Variants in CSMD3 observed in about 807,000 individuals in gnomAD.
CSMD3 encodes CUB and Sushi multiple domains 3, also known as CUB and sushi domain-containing protein 3.
CSMD3 carries 177 observed loss-of-function variants against 435.2 expected under a neutral mutation model. The ratio of observed to expected loss-of-function variants is 0.41; its 90% CI spans 0.36 to 0.46. The LOEUF (loss-of-function observed/expected upper bound fraction) is 0.46. Among genes scored for constraint, CSMD3 ranks in the 20% least tolerant of loss-of-function variants. CSMD3 has a pLI of 0.34. For missense variants in CSMD3, 4,265 were observed against 4,504.6 expected, an observed-to-expected ratio of 0.95 and a Z score of 1.52; for synonymous variants, 1,656 against 1,520.5, an observed-to-expected ratio of 1.09 and a Z score of -2.07.
In CSMD3 at chr8:112,346,139, T is replaced by G. The variant is rs200280408; in HGVS notation, c.6400A>C (p.Ser2134Arg). ...SPGFPGNYPS[S>R]LDCTWTINLP... The stretch of plus-strand genomic sequence containing the variant: ...TTTATTGTCCATGTGCAATCTAAAC[T>G]GCTGGGATAGTTTCCAGGAAACCCA... The change falls in exon 41 of 71, where the codon AGT (serine) becomes CGT (arginine). Residue 2134 changes from serine (S) to arginine (R), a missense_variant. Ser to Arg is a moderately radical substitution (Grantham distance 110). This residue lies in a region of CSMD3 where 3,255 missense variants were observed against 3,380.2 expected (regional missense o/e 0.96). Coordinates refer to ENST00000297405, the MANE Select transcript of CSMD3 (RefSeq NM_198123.2). The G allele has an allele frequency of 5.6e-6, 9 of 1,613,288 alleles. No individual in the cohort carries two copies. In the Admixed American group the frequency reaches 1.2e-4, roughly 21 times the overall value.
At chr8:113,275,329 G>A (rs2093561610) in intron 3 of CSMD3, among the ~76,000 whole-genome samples, 1 of 152,012 alleles carries the variant, frequency 6.6e-6, no homozygotes, top group Non-Finnish European at 1.5e-5. Flanking sequence ...AGTTTGGTCT[G>A]GTTTAGTCCT....
At chr8:112,660,814 A>G (rs1371879362) in intron 17 of CSMD3, among the ~76,000 whole-genome samples, 2 of 152,188 alleles carry the variant, frequency 1.3e-5, no homozygotes, top group Non-Finnish European at 2.9e-5. Context: ...GTAACTCCTG[A>G]TTATTCCAGT....
intron 3 of CSMD3, among the ~76,000 whole-genome samples, chr8:113,214,229 T>G (rs2092873951): frequency 6.6e-6 from 1 of 151,982 alleles, no homozygotes; most frequent in African/African-American, 2.4e-5. Flanking sequence ...TTTATGTTAT[T>G]TTGTTGTTTT....
intron 12 of CSMD3, among the ~76,000 whole-genome samples, chr8:112,821,297 A>G (rs1191198794): frequency 1.3e-5 from 2 of 151,618 alleles, no homozygotes; most frequent in East Asian, 3.9e-4. Context: ...TATTTCTCCA[A>G]GCTTCCCAGT....
intron 7 of CSMD3, among the ~76,000 whole-genome samples, chr8:112,959,970 C>T (rs1040419551): frequency 6.6e-6 from 1 of 151,804 alleles, no homozygotes; most frequent in Non-Finnish European, 1.5e-5. Flanking sequence ...CTTTTCTATT[C>T]AGTTCTAAGA....
rs2130152910 is a variant in CSMD3 at position 112,247,009 on chromosome 8, A to G, written c.10222+11T>C. On this transcript the variant is annotated intron_variant, in intron 64 of 70. Coordinates refer to ENST00000297405, the MANE Select transcript of CSMD3 (RefSeq NM_198123.2). ...CCCATGATAGCATTATTTCTTATCC[A>G]TAATACTTACGTATGCATTCAGGCT... 8 of 1,578,648 alleles carry G rather than the reference A, an allele frequency of 5.1e-6. No homozygotes were observed. Among genetic ancestry groups the G allele is most frequent in the Non-Finnish European group, 6.1e-6 (7 of 1,147,754 alleles).
At chr8:112,286,638 T>A (rs1278868309) in intron 58 of CSMD3, among the ~76,000 whole-genome samples, 1 of 152,120 alleles carries the variant, frequency 6.6e-6, no homozygotes, top group Non-Finnish European at 1.5e-5. Flanking sequence ...CTGTGCATAA[T>A]TTATAAATAA....
intron 61 of CSMD3, 126 bp downstream of exon 61, chr8:112,263,513 A>G: frequency 1.3e-6 from 1 of 743,398 alleles, no homozygotes; most frequent in Non-Finnish European, 2.3e-6. Flanking sequence ...AAAAGTAGCT[A>G]CATTGGTAAA....
At chr8:112,693,426 G>T (rs962304236) in intron 13 of CSMD3, among the ~76,000 whole-genome samples, 2 of 151,890 alleles carry the variant, frequency 1.3e-5, no homozygotes, top group African/African-American at 2.4e-5. Context: ...AGGGGGTAAG[G>T]TATAAAATTT....
At chr8:113,147,842 A>C (rs2091712898) in intron 4 of CSMD3, among the ~76,000 whole-genome samples, 1 of 151,554 alleles carries the variant, frequency 6.6e-6, no homozygotes, top group East Asian at 2.0e-4. Flanking sequence ...ATCTTTGTTA[A>C]TTCCCTTCCT....
chr8:112,291,510 T>C lies in CSMD3; in HGVS notation c.8974A>G (p.Met2992Val). 6.3e-7 allele frequency: 1 copy of C among 1,590,796 alleles called. No homozygotes were observed. Among genetic ancestry groups the C allele is most frequent in the Non-Finnish European group, 8.6e-7 (1 of 1,159,578 alleles). The part of the protein sequence containing the change: ...QWDKPLPECI[M>V]IDCGHPGVPP... ...GAAACAATTCACATTATCTACTTAC[T>C]GATACATTCTGGTAAAGGTTTGTCC... Residue 2992 changes from methionine to valine, a missense_variant and splice_region_variant, in exon 56 of 71, where the codon ATG becomes GTG. Physicochemically the swap from Met to Val is conservative, Grantham distance 21. This residue lies in a region of CSMD3 where 3,255 missense variants were observed against 3,380.2 expected (regional missense o/e 0.96). Transcript: ENST00000297405.
chr8:112,781,212 C>G (rs932771677), intron 13 of CSMD3, among the ~76,000 whole-genome samples: 1 of 152,064 alleles, frequency 6.6e-6, no homozygotes, highest in African/African-American at 2.4e-5. Flanking sequence ...GGAAAAGACC[C>G]AGGCCTGGAA....
chr8:112,999,460 CAG>C (rs1482290680), intron 6 of CSMD3, among the ~76,000 whole-genome samples: 1 of 151,730 alleles, frequency 6.6e-6, no homozygotes, highest in Non-Finnish European at 1.5e-5. Flanking sequence ...GGAATGAAGT[CAG>C]AGACGTAAGT....
chr8:113,436,759 G>A lies in CSMD3; in HGVS notation c.96C>T (p.Phe32=), dbSNP rs911975005. 3.7e-6 allele frequency: 6 copies of A among 1,614,030 alleles called. No individual in the cohort carries two copies. The African/African-American group carries it at 8.0e-5, about 22-fold the overall frequency. The part of the protein sequence containing the change: ...RRCAKCGRLD[F]ILMKKMGIKS... ...TAATCCCCATTTTCTTCATCAGGAT[G>A]AAGTCTAGGCGGCCACATTTAGCGC... The change falls in exon 1 of 71, where the codon TTC becomes TTT. Residue 32 remains phenylalanine (F), a synonymous_variant. Coordinates refer to ENST00000297405, the MANE Select transcript of CSMD3 (RefSeq NM_198123.2).
At chr8:113,208,830 A>T (rs979666479) in intron 3 of CSMD3, among the ~76,000 whole-genome samples, 1 of 152,098 alleles carries the variant, frequency 6.6e-6, no homozygotes, top group Admixed American at 6.6e-5. Context: ...ATGTGTGTAT[A>T]TGTATATTTC....
chr8:112,512,788 G>A (rs1823269014), intron 28 of CSMD3, among the ~76,000 whole-genome samples: 1 of 152,186 alleles, frequency 6.6e-6, no homozygotes, highest in Non-Finnish European at 1.5e-5. Context: ...CGAATAGAAT[G>A]CTGTTTCATC....
intron 1 of CSMD3, among the ~76,000 whole-genome samples, chr8:113,425,493 G>A (rs1479601277): frequency 3.3e-5 from 5 of 151,048 alleles, no homozygotes; most frequent in African/African-American, 1.2e-4. Flanking sequence ...TCAAATTATT[G>A]AAAAATGGCT....
chr8:112,452,244 A>C (rs1473425805), intron 32 of CSMD3, among the ~76,000 whole-genome samples: 2 of 152,212 alleles, frequency 1.3e-5, no homozygotes, highest in African/African-American at 4.8e-5. Context: ...AACATATTTT[A>C]TTCAGTACTG....
rs565936658 is a variant in CSMD3, at chr8:113,367,861, G to A, written c.179-53068C>T. On this transcript the variant is annotated intron_variant, in intron 1 of 70. Coordinates refer to ENST00000297405, the MANE Select transcript of CSMD3 (RefSeq NM_198123.2). Reference sequence around the variant, plus strand: ...TCTAAAGTGTCTTTGCCTCTTCCCTGGATGCTGTCTAGTACAGCCCTTGTT... The same window carrying A: ...TCTAAAGTGTCTTTGCCTCTTCCCTAGATGCTGTCTAGTACAGCCCTTGTT... Among the ~76,000 whole-genome samples, 10 of 152,032 alleles carry A rather than the reference G, an allele frequency of 6.6e-5. No homozygotes were observed. The East Asian group carries it at 9.7e-4, about 15-fold the overall frequency.
Sources: gnomAD v4.1 joint callset for allele counts (sites outside exome capture counted in the v4.1 genomes callset) on GRCh38, gnomAD v4.1.1 for gene constraint, gnomAD v4.1.1 regional missense constraint, MANE v1.5 for transcripts, NCBI Gene and HGNC (gene_info 2026-07-23, HGNC 2026-07-21) for gene names.